The following NRXN3 variants were observed in gnomAD, a reference collection of about 807,000 sequenced individuals.
NRXN3 encodes the protein neurexin 3.
In NRXN3, 32 loss-of-function variants were observed where a neutral mutation model predicts 137.6. The observed-to-expected ratio is 0.23, with a 90% CI of 0.18 to 0.31. The LOEUF is 0.31. NRXN3 is among the 10% of genes least tolerant of loss of function. The probability of loss-of-function intolerance (pLI) is 1.00; values close to 1 mark genes in which losing one functional copy is unlikely to be tolerated. For synonymous variants in NRXN3, 798 were observed against 784.5 expected (o/e 1.02, Z -0.29); for missense variants, 1,574 against 2,062.5 (o/e 0.76, Z 4.59).
chr14:78,990,884 A>T (rs2099517425), intron 15 of NRXN3, among the ~76,000 whole-genome samples: 1 of 152,194 alleles, frequency 6.6e-6, no homozygotes, highest in South Asian at 2.1e-4. Context: ...TACCTAGAAA[A>T]AGCAGTCTCA....
chr14:78,472,323 A>G (rs1465505534), intron 4 of NRXN3, among the ~76,000 whole-genome samples: 24 of 152,182 alleles, frequency 1.6e-4, no homozygotes, highest in Admixed American at 1.6e-3. Flanking sequence ...AAGTTAAGTC[A>G]CTTACTCAAC....
At chr14:79,124,498 A>T (rs1322288081) in intron 15 of NRXN3, among the ~76,000 whole-genome samples, 6 of 152,192 alleles carry the variant, frequency 3.9e-5, no homozygotes, top group African/African-American at 1.4e-4. Context: ...TGCCAGTGAG[A>T]TCTACTGGGA....
At chr14:78,466,824 C>T (rs758205689) in intron 4 of NRXN3, among the ~76,000 whole-genome samples, 1 of 152,110 alleles carries the variant, frequency 6.6e-6, no homozygotes, top group African/African-American at 2.4e-5. Flanking sequence ...ACGGTGTGAA[C>T]ATGAGGATAG....
intron 20 of NRXN3, among the ~76,000 whole-genome samples, chr14:79,811,385 G>A (rs897353663): frequency 1.4e-4 from 22 of 152,052 alleles, no homozygotes; most frequent in African/African-American, 5.1e-4. Context: ...TACAATACAT[G>A]TCTAATGCTC....
chr14:79,258,043 T>G (rs535129538), intron 15 of NRXN3, among the ~76,000 whole-genome samples: 3 of 152,272 alleles, frequency 2.0e-5, no homozygotes, highest in Admixed American at 2.0e-4. Context: ...ATTGATCTGT[T>G]TAAGTTAGTA....
chr14:78,819,502 C>T (rs538277307), intron 10 of NRXN3, among the ~76,000 whole-genome samples: 15 of 152,078 alleles, frequency 9.9e-5, no homozygotes, highest in African/African-American at 3.6e-4. Context: ...TAATATAAGA[C>T]ACCATTTTAT....
rs577951088 is a variant in NRXN3, at chr14:79,160,519, A to G, written c.3262+172378A>G. ...TGAAATCTGTCACCATAAAGCATAA[A>G]GCAAAATCCTTCCCTCCTTTACTGA... On this transcript the variant is annotated intron_variant, in intron 15 of 20. Transcript: ENST00000335750. Among the ~76,000 whole-genome samples, 3 of 152,088 alleles carry G rather than the reference A, an allele frequency of 2.0e-5. No individual in the cohort carries two copies. The East Asian group carries it at 5.8e-4, about 30-fold the overall frequency.
chr14:78,985,926 A>T (rs2099502369), intron 14 of NRXN3, among the ~76,000 whole-genome samples: 1 of 152,192 alleles, frequency 6.6e-6, no homozygotes, highest in Non-Finnish European at 1.5e-5. Flanking sequence ...GGCCAATAGG[A>T]GCTGCAGAAA....
rs535387612 is a variant in NRXN3 at position 79,102,085 on chromosome 14, A to C, written c.3262+113944A>C. ...TTTCAGAGAGAGCATTGCTCTGCTC[A>C]TGTCTTGATTTGAGACTTCTGGTCT... On this transcript the variant is annotated intron_variant, in intron 15 of 20. Transcript: ENST00000335750. Among the ~76,000 whole-genome samples the C allele has an allele frequency of 5.9e-5, 9 of 152,282 alleles. No individual in the cohort carries two copies. In the East Asian group the frequency reaches 1.7e-3, roughly 29 times the overall value.
chr14:78,939,987 G>A (rs1036002262), intron 10 of NRXN3, among the ~76,000 whole-genome samples: 27 of 152,120 alleles, frequency 1.8e-4, no homozygotes, highest in African/African-American at 6.3e-4. Context: ...GCAAACACAC[G>A]TTGCAGCCTG....
intron 15 of NRXN3, among the ~76,000 whole-genome samples, chr14:79,290,060 C>G (rs772165167): frequency 1.3e-5 from 2 of 152,042 alleles, no homozygotes; most frequent in African/African-American, 4.8e-5. Context: ...TGTATTCACT[C>G]CTGAGTGACT....
At chr14:79,585,242 T>C (rs775525241) in intron 16 of NRXN3, among the ~76,000 whole-genome samples, 15 of 152,324 alleles carry the variant, frequency 9.8e-5, no homozygotes, top group Middle Eastern at 3.4e-3. Context: ...AGAAGTTTAG[T>C]AGACTCATAA....
intron 15 of NRXN3, among the ~76,000 whole-genome samples, chr14:79,369,163 G>A (rs568239545): frequency 3.9e-5 from 6 of 152,308 alleles, no homozygotes; most frequent in East Asian, 1.9e-4. Flanking sequence ...TCCAAAACTA[G>A]GTAGAGGGTA....
chr14:78,173,190 G>A (rs1316661310), intron 1 of NRXN3, among the ~76,000 whole-genome samples: 1 of 151,850 alleles, frequency 6.6e-6, no homozygotes, highest in Admixed American at 6.6e-5. Context: ...AGGTGAGGTT[G>A]GAAGTCACCG....
At chr14:79,623,849 G>GTTTTTTTTTTTTTTT (rs571687023) in intron 16 of NRXN3, among the ~76,000 whole-genome samples, 1 of 98,026 alleles carries the variant, frequency 1.0e-5, no homozygotes, top group African/African-American at 3.9e-5. Flanking sequence ...CTTAGCTCCT[G>GTTTTTTTTTTTTTTT]TTTTTTTTTT....
intron 16 of NRXN3, among the ~76,000 whole-genome samples, chr14:79,537,211 T>C (rs1370265572): frequency 6.6e-6 from 1 of 152,082 alleles, no homozygotes; most frequent in Non-Finnish European, 1.5e-5. Context: ...TAATGATCAG[T>C]GATGTTGTTG....
At chr14:79,040,853 C>T (rs1229399973) in intron 15 of NRXN3, among the ~76,000 whole-genome samples, 1 of 152,114 alleles carries the variant, frequency 6.6e-6, no homozygotes, top group Non-Finnish European at 1.5e-5. Flanking sequence ...CCTTACTGCA[C>T]ATGTGTTGAG....
intron 15 of NRXN3, among the ~76,000 whole-genome samples, chr14:79,154,148 T>G (rs528327735): frequency 6.6e-6 from 1 of 152,094 alleles, no homozygotes; most frequent in Admixed American, 6.6e-5. Context: ...TGGGGGCCAT[T>G]GTGTATTGAG....
chr14:78,427,420 C>A (rs2093705721), intron 4 of NRXN3, among the ~76,000 whole-genome samples: 1 of 152,142 alleles, frequency 6.6e-6, no homozygotes. Context: ...TGGAGGACAT[C>A]AGGGAACAGA....
Sources: allele counts gnomAD v4.1 joint callset (sites outside exome capture counted in the v4.1 genomes callset), GRCh38; gene constraint gnomAD v4.1.1; transcripts MANE v1.5; gene names NCBI Gene and HGNC (gene_info 2026-07-23, HGNC 2026-07-21).